SMYD3: variants seen among roughly 807,000 people sequenced by gnomAD.
The protein encoded by SMYD3 is SET and MYND domain containing 3, also known as histone-lysine N-methyltransferase SMYD3.
Under a neutral mutation model 57.7 loss-of-function variants are expected in SMYD3, and 36 were observed. That is an observed-to-expected ratio of 0.62 (90% CI 0.48 to 0.82). The LOEUF (loss-of-function observed/expected upper bound fraction) is 0.82, where lower values mean the gene tolerates loss of function less well. Among genes scored for constraint, SMYD3 ranks in the 40% least tolerant of loss-of-function variants. The pLI is 0.00. For synonymous variants in SMYD3, 211 were observed against 195.0 expected (o/e 1.08, Z -0.68); for missense variants, 515 against 538.8 (o/e 0.96, Z 0.44).
chr1:246,122,969 T>G (rs75311425), intron 5 of SMYD3, among the ~76,000 whole-genome samples: 1 of 152,146 alleles, frequency 6.6e-6, no homozygotes, highest in African/African-American at 2.4e-5. Flanking sequence ...ACTTTGAGTT[T>G]TTTGATTTTA....
intron 5 of SMYD3, among the ~76,000 whole-genome samples, chr1:246,140,235 T>TCAGG (rs1323499002): frequency 6.6e-6 from 1 of 152,176 alleles, no homozygotes. Flanking sequence ...GATCAGGACC[T>TCAGG]TTCGCTTCAA....
At chr1:245,902,544 G>A (rs1026431653) in intron 8 of SMYD3, among the ~76,000 whole-genome samples, 2 of 152,156 alleles carry the variant, frequency 1.3e-5, no homozygotes, top group African/African-American at 4.8e-5. Context: ...CCATTACAAG[G>A]CCTGCAGACA....
At chr1:246,118,500 C>G (rs2061374812) in intron 5 of SMYD3, among the ~76,000 whole-genome samples, 1 of 152,200 alleles carries the variant, frequency 6.6e-6, no homozygotes, top group South Asian at 2.1e-4. Context: ...ATCCAAATGC[C>G]TCAAGCTAGA....
At chr1:246,478,287 T>C (rs1340523843) in intron 1 of SMYD3, among the ~76,000 whole-genome samples, 4 of 152,270 alleles carry the variant, frequency 2.6e-5, no homozygotes, top group Admixed American at 2.0e-4. Flanking sequence ...ATACTAAGGA[T>C]ACTCTGTGTA....
At chr1:245,803,254 C>T (rs1040551574) in intron 10 of SMYD3, among the ~76,000 whole-genome samples, 1 of 152,218 alleles carries the variant, frequency 6.6e-6, no homozygotes, top group East Asian at 1.9e-4. Context: ...TTGCCTCCAG[C>T]TGTTTATTCG....
At chr1:246,022,477 G>T (rs915363648) in intron 5 of SMYD3, among the ~76,000 whole-genome samples, 1 of 152,086 alleles carries the variant, frequency 6.6e-6, no homozygotes, top group Non-Finnish European at 1.5e-5. Flanking sequence ...GCGACCTGAG[G>T]CAACTTACAT....
Position 246,002,303 on chromosome 1 carries a change from G to A in SMYD3, c.532-72366C>T, listed in dbSNP as rs1572872638. ...GGGTTCACGCCATTCTCCTGCCTCA[G>A]CCTCCCGAGTAGCTGGGACTGCAGG... On this transcript the variant is annotated intron_variant, in intron 5 of 11. Coordinates refer to ENST00000490107, the MANE Select transcript of SMYD3 (RefSeq NM_001167740.2). 5.0e-5 allele frequency among the ~76,000 whole-genome samples: 5 copies of A among 100,552 alleles called. 1 individual carries two copies. In the Admixed American group the frequency reaches 5.8e-4, roughly 12 times the overall value. 66.0% of individuals were successfully genotyped at this position (100,552 alleles called of 152,430 possible).
intron 5 of SMYD3, among the ~76,000 whole-genome samples, chr1:246,064,742 C>A (rs2060311357): frequency 6.6e-6 from 1 of 152,224 alleles, no homozygotes; most frequent in Non-Finnish European, 1.5e-5. Flanking sequence ...CAGCAGGGTT[C>A]CCCTGAGGTC....
chr1:246,114,760 A>T (rs982292187), intron 5 of SMYD3, among the ~76,000 whole-genome samples: 2 of 151,764 alleles, frequency 1.3e-5, no homozygotes, highest in African/African-American at 4.8e-5. Context: ...TTTCCCGAGG[A>T]GCTTGGGATT....
chr1:245,876,373 T>G (rs906512022), intron 8 of SMYD3, among the ~76,000 whole-genome samples: 1 of 152,188 alleles, frequency 6.6e-6, no homozygotes, highest in African/African-American at 2.4e-5. Context: ...CCGGTATCTT[T>G]TCTAAGCTCC....
rs1434930964 is a variant in SMYD3 at position 246,008,358 on chromosome 1, G to A, written c.532-78421C>T. Among the ~76,000 whole-genome samples the A allele has an allele frequency of 3.9e-5, 6 of 152,298 alleles. No individual in the cohort carries two copies. The East Asian group carries it at 9.7e-4, about 25-fold the overall frequency. ...AAGGGCTCTTGACACATCCTGTAATGCGACGTAAATAAGAAATAAAGGTGG... is the reference window on the plus strand; with the variant it reads ...AAGGGCTCTTGACACATCCTGTAATACGACGTAAATAAGAAATAAAGGTGG... On this transcript the variant is annotated intron_variant, in intron 5 of 11. Coordinates refer to ENST00000490107, the MANE Select transcript of SMYD3 (RefSeq NM_001167740.2).
intron 5 of SMYD3, among the ~76,000 whole-genome samples, chr1:246,087,563 C>T (rs1276215214): frequency 1.3e-5 from 2 of 152,174 alleles, no homozygotes; most frequent in Non-Finnish European, 2.9e-5. Context: ...AAAACAAGTT[C>T]AGTTAGTTGT....
rs2061497501 is a variant in SMYD3 at position 246,125,562 on chromosome 1, A to T, written c.532-195625T>A. The stretch of plus-strand genomic sequence containing the variant: ...AAATTTTTAGCTATTTAATATTTTA[A>T]AAGTAATCTACTGAGTATAGAACAG... On this transcript the variant is annotated intron_variant, in intron 5 of 11. Transcript: ENST00000490107. Among the ~76,000 whole-genome samples, 3 of 152,218 alleles carry T rather than the reference A, an allele frequency of 2.0e-5. 1 individual carries two copies. In the South Asian group the frequency reaches 6.2e-4, roughly 32 times the overall value.
rs79805286 is a variant in SMYD3 at position 246,181,718 on chromosome 1, G to A, written c.531+145483C>T. Among the ~76,000 whole-genome samples, 1,114 of 152,242 alleles carry A rather than the reference G, an allele frequency of 7.3e-3. 78 individuals are homozygous for A. In the East Asian group the frequency reaches 0.15, roughly 21 times the overall value. On this transcript the variant is annotated intron_variant, in intron 5 of 11. Coordinates refer to ENST00000490107, the MANE Select transcript of SMYD3 (RefSeq NM_001167740.2). ...CTTTGGGATCTAGTCCTTAAGATGC[G>A]TTCAAGAGGATGAAGGATGTCCATC...
Position 246,335,390 on chromosome 1 carries a change from G to T in SMYD3, c.313C>A (p.Leu105Ile). The change falls in exon 3 of 12, where the codon CTT (leucine) becomes ATT (isoleucine). Residue 105 changes from leucine to isoleucine, a missense_variant. Coordinates refer to ENST00000490107, the MANE Select transcript of SMYD3 (RefSeq NM_001167740.2). ...PRYPPDSVRL[L>I]GRVVFKLMDG... is the part of the protein sequence containing the mutation. Reference sequence around the variant, plus strand: ...ACAAGTTTGAAGACAACTCTGCCAAGAAGTCGAACGGAGTCTGGAGGATAT... The same window carrying T: ...ACAAGTTTGAAGACAACTCTGCCAATAAGTCGAACGGAGTCTGGAGGATAT... The T allele has an allele frequency of 6.2e-7, 1 of 1,614,098 alleles. No homozygotes were observed. Among genetic ancestry groups the T allele is most frequent in the Non-Finnish European group, 8.5e-7 (1 of 1,179,960 alleles).
rs890049507 is a variant in SMYD3 at position 246,175,216 on chromosome 1, G to A, written c.531+151985C>T. Among the ~76,000 whole-genome samples, 9 of 152,208 alleles carry A rather than the reference G, an allele frequency of 5.9e-5. No homozygotes were observed. The South Asian group carries it at 6.2e-4, about 11-fold the overall frequency. On this transcript the variant is annotated intron_variant, in intron 5 of 11. Transcript: ENST00000490107. ...TTTGAGTAGAAAATATTGTGTCATC[G>A]TATTTTGTAACATGGTAAATATCCC...
At chr1:246,369,706 T>C (rs957704329) in intron 1 of SMYD3, among the ~76,000 whole-genome samples, 1 of 151,892 alleles carries the variant, frequency 6.6e-6, no homozygotes, top group Admixed American at 6.6e-5. Flanking sequence ...TTTTAAATTA[T>C]TTGTAGAGAC....
At chr1:246,183,422 A>G (rs2062584058) in intron 5 of SMYD3, among the ~76,000 whole-genome samples, 1 of 151,792 alleles carries the variant, frequency 6.6e-6, no homozygotes, top group Non-Finnish European at 1.5e-5. Context: ...CATAAGAGAT[A>G]AAAAAGCAAA....
intron 5 of SMYD3, among the ~76,000 whole-genome samples, chr1:246,023,766 T>C (rs192779896): frequency 1.5e-4 from 23 of 150,628 alleles, no homozygotes; most frequent in African/African-American, 5.4e-4. Flanking sequence ...CTTTGGTGAG[T>C]CATTTAACCT....
Sources: allele counts gnomAD v4.1 joint callset (sites outside exome capture counted in the v4.1 genomes callset), GRCh38; gene constraint gnomAD v4.1.1; transcripts MANE v1.5; gene names NCBI Gene and HGNC (gene_info 2026-07-23, HGNC 2026-07-21).